Variants in ANO3 observed in about 807,000 individuals in gnomAD.
ANO3 encodes anoctamin-3.
ANO3 carries 99 observed loss-of-function variants against 144.8 expected under a neutral mutation model. The ratio of observed to expected loss-of-function variants is 0.68; its 90% confidence interval spans 0.58 to 0.81. The LOEUF is 0.81. Among genes scored for constraint, ANO3 ranks in the 30% least tolerant of loss-of-function variants. The probability of loss-of-function intolerance (pLI) is 0.00; values close to 1 mark genes in which losing one functional copy is unlikely to be tolerated. For missense variants in ANO3, 905 were observed against 1,202.2 expected, an observed-to-expected ratio of 0.75 and a Z score of 3.66; for synonymous variants, 414 against 392.6, an observed-to-expected ratio of 1.05 and a Z score of -0.64.
Position 26,403,061 on chromosome 11 carries a change from G to A in ANO3, c.47-38857G>A, listed in dbSNP as rs137898097. ...GGACCACTTAAATGTGTTTTGTTTC[G>A]TTTTGTTTTTGTATACTTACCTACA... On this transcript the variant is annotated intron_variant, in intron 1 of 26. Transcript: ENST00000256737. Among the ~76,000 whole-genome samples the A allele has an allele frequency of 1.7e-3, 258 of 151,754 alleles. 4 individuals are homozygous for A. In the South Asian group the frequency reaches 0.043, roughly 26 times the overall value.
chr11:26,639,277 G>C (rs997724591), intron 21 of ANO3, 36 bp downstream of exon 21: 2 of 1,524,208 alleles, frequency 1.3e-6, no homozygotes, highest in Non-Finnish European at 1.8e-6. Flanking sequence ...CTTATGTCTA[G>C]TTACAAAGAG....
intron 1 of ANO3, among the ~76,000 whole-genome samples, chr11:26,341,588 C>G (rs1381015123): frequency 6.6e-6 from 1 of 152,044 alleles, no homozygotes. Flanking sequence ...TTCAGAGGGG[C>G]AGAACTAATA....
intron 1 of ANO3, among the ~76,000 whole-genome samples, chr11:26,298,287 C>T (rs1365198081): frequency 1.3e-5 from 2 of 152,028 alleles, no homozygotes; most frequent in African/African-American, 4.8e-5. Context: ...AAGGGATGGA[C>T]CACATACCAG....
intron 4 of ANO3, among the ~76,000 whole-genome samples, chr11:26,466,368 T>G (rs1859602415): frequency 6.6e-6 from 1 of 151,986 alleles, no homozygotes; most frequent in African/African-American, 2.4e-5. Flanking sequence ...TTCTTTCCTG[T>G]ATCCACTCTA....
intron 4 of ANO3, among the ~76,000 whole-genome samples, chr11:26,475,566 T>C (rs1184534383): frequency 6.6e-6 from 1 of 151,966 alleles, no homozygotes. Flanking sequence ...AAACTGCAAT[T>C]TTCCATACTT....
intron 19 of ANO3, among the ~76,000 whole-genome samples, chr11:26,634,671 C>A (rs1852893612): frequency 6.6e-6 from 1 of 152,110 alleles, no homozygotes; most frequent in Non-Finnish European, 1.5e-5. Context: ...CCATCCAATG[C>A]CATGGAAACA....
chr11:26,221,719 G>A lies in ANO3; in HGVS notation c.154+32389G>A, dbSNP rs181252595. ...GATTTCAATCATGTCAGAAGGTGATGCAAGAGCAGGTACATCACATAGTGA... is the reference window on the plus strand; with the variant it reads ...GATTTCAATCATGTCAGAAGGTGATACAAGAGCAGGTACATCACATAGTGA... On this transcript the variant is annotated intron_variant, in intron 1 of 27. Transcript: ENST00000672621. Among the ~76,000 whole-genome samples, 6 of 133,582 alleles carry A rather than the reference G, an allele frequency of 4.5e-5. No homozygotes were observed. In the East Asian group the frequency reaches 5.8e-4, roughly 13 times the overall value. 87.6% of individuals were successfully genotyped at this position (133,582 alleles called of 152,430 possible). A position where few individuals can be genotyped will look rare whatever the true frequency, so the allele number is the denominator to read the frequency against.
intron 1 of ANO3, among the ~76,000 whole-genome samples, chr11:26,431,784 TTTTA>T (rs1405913381): frequency 6.6e-6 from 1 of 152,184 alleles, no homozygotes; most frequent in Non-Finnish European, 1.5e-5. Flanking sequence ...ACATTTTACA[TTTTA>T]TTTATCCAGT....
chr11:26,629,060 A>G (rs955626256), intron 18 of ANO3, among the ~76,000 whole-genome samples: 1 of 152,068 alleles, frequency 6.6e-6, no homozygotes, highest in Non-Finnish European at 1.5e-5. Flanking sequence ...AGGCAACTAC[A>G]CTAGGGTATG....
Position 26,265,443 on chromosome 11 carries a change from A to G in ANO3, c.155-44202A>G, listed in dbSNP as rs144350354. Among the ~76,000 whole-genome samples the G allele has an allele frequency of 3.4e-3, 516 of 152,324 alleles. 3 individuals carry two copies. The highest frequency in any genetic ancestry group is 0.011 in the African/African-American group (446 of 41,558). On this transcript the variant is annotated intron_variant, in intron 1 of 27. Transcript: ENST00000672621. ...AGCTTTGGTTTGGGAACCTAACCTA[A>G]TAGATTCTACATTAACATCATTTCT...
intron 3 of ANO3, among the ~76,000 whole-genome samples, chr11:26,446,609 G>A (rs189285036): frequency 6.6e-6 from 1 of 152,262 alleles, no homozygotes. Flanking sequence ...TGAAAAAAAT[G>A]TTATTTTTCC....
intron 1 of ANO3, among the ~76,000 whole-genome samples, chr11:26,415,052 GTGTA>G (rs1347652271): frequency 4.1e-4 from 33 of 79,534 alleles, no homozygotes; most frequent in African/African-American, 5.3e-4. Context: ...AGTTATTGGT[GTGTA>G]TGTGTGTGTG....
chr11:26,276,554 T>A (rs1853564187), intron 1 of ANO3, among the ~76,000 whole-genome samples: 1 of 152,106 alleles, frequency 6.6e-6, no homozygotes, highest in African/African-American at 2.4e-5. Flanking sequence ...CAAATAAACT[T>A]CCATAAAATG....
At chr11:26,238,000 A>C (rs537630707) in intron 1 of ANO3, among the ~76,000 whole-genome samples, 8 of 152,278 alleles carry the variant, frequency 5.3e-5, no homozygotes, top group Admixed American at 6.5e-5. Context: ...CAATTTACAC[A>C]GACTGTTAGA....
intron 9 of ANO3, among the ~76,000 whole-genome samples, chr11:26,536,993 C>G (rs1314634493): frequency 6.6e-6 from 1 of 150,686 alleles, no homozygotes; most frequent in Non-Finnish European, 1.5e-5. Flanking sequence ...TTCTCAATAC[C>G]AATATCCTTT....
intron 1 of ANO3, among the ~76,000 whole-genome samples, chr11:26,275,302 G>C (rs1474714613): frequency 2.6e-5 from 4 of 152,138 alleles, no homozygotes; most frequent in Middle Eastern, 3.4e-3. Flanking sequence ...AAAAAGAAGA[G>C]AAAATAAAGA....
intron 1 of ANO3, among the ~76,000 whole-genome samples, chr11:26,320,819 C>G (rs1854740952): frequency 6.6e-6 from 1 of 152,078 alleles, no homozygotes; most frequent in Non-Finnish European, 1.5e-5. Context: ...TTGACCACTG[C>G]TTTATTATCT....
At chr11:26,475,131 A>G (rs931333081) in intron 4 of ANO3, among the ~76,000 whole-genome samples, 4 of 151,964 alleles carry the variant, frequency 2.6e-5, no homozygotes, top group African/African-American at 9.7e-5. Context: ...TCTAAGAAAC[A>G]GCACTTAGTA....
chr11:26,375,632 A>T (rs1184241771), intron 1 of ANO3, among the ~76,000 whole-genome samples: 2 of 152,184 alleles, frequency 1.3e-5, no homozygotes, highest in Admixed American at 1.3e-4. Flanking sequence ...GAAAATTTAG[A>T]GGGCAAAAAA....
Sources: allele counts gnomAD v4.1 joint callset (sites outside exome capture counted in the v4.1 genomes callset), GRCh38; gene constraint gnomAD v4.1.1; transcripts MANE v1.5; gene names NCBI Gene and HGNC (gene_info 2026-07-23, HGNC 2026-07-21).